Variants in RALGPS1 observed in about 807,000 individuals in gnomAD.
RALGPS1 encodes the protein ras-specific guanine nucleotide-releasing factor RalGPS1.
RALGPS1 carries 19 observed loss-of-function variants against 78.8 expected under a neutral mutation model. The observed-to-expected ratio is 0.24, with a 90% CI of 0.17 to 0.35. The LOEUF (loss-of-function observed/expected upper bound fraction) is 0.35. RALGPS1 is among the 10% of genes least tolerant of loss of function. The pLI, the probability that RALGPS1 is intolerant of heterozygous loss-of-function variation, is 1.00. For missense variants in RALGPS1, 454 were observed against 688.3 expected (o/e 0.66, Z 3.81); for synonymous variants, 228 against 256.3 (o/e 0.89, Z 1.06).
chr9:127,117,791 T>C (rs1173460918), intron 8 of RALGPS1, among the ~76,000 whole-genome samples: 1 of 152,242 alleles, frequency 6.6e-6, no homozygotes, highest in Non-Finnish European at 1.5e-5. Context: ...ACACAGCCTT[T>C]CCCTCATGGA....
chr9:127,106,550 G>C (rs1589507983), intron 8 of RALGPS1, among the ~76,000 whole-genome samples: 1 of 152,188 alleles, frequency 6.6e-6, no homozygotes, highest in African/African-American at 2.4e-5. Context: ...CCGAGCCTCA[G>C]GGGGACAAAG....
chr9:126,936,375 AT>A (rs1306553428), intron 1 of RALGPS1, among the ~76,000 whole-genome samples: 2 of 152,236 alleles, frequency 1.3e-5, no homozygotes, highest in Non-Finnish European at 2.9e-5. Context: ...AGATTAAAGT[AT>A]ATGAGAGACT....
Position 127,182,575 on chromosome 9 carries a change from G to A in RALGPS1, c.910+7793G>A, listed in dbSNP as rs577895645. 1.6e-4 allele frequency among the ~76,000 whole-genome samples: 25 copies of A among 151,636 alleles called. No individual in the cohort carries two copies. The East Asian group carries it at 3.5e-3, about 21-fold the overall frequency. On this transcript the variant is annotated intron_variant, in intron 11 of 18. Transcript: ENST00000259351. ...CTCCCGAGTAGCTGGGATTACAGTC[G>A]CCCGCCACCATGCCCAGCAAATTTT...
At chr9:127,188,317 A>G (rs1442231834) in intron 11 of RALGPS1, among the ~76,000 whole-genome samples, 1 of 152,088 alleles carries the variant, frequency 6.6e-6, no homozygotes, top group Non-Finnish European at 1.5e-5. Context: ...CCGAGCCTCA[A>G]AGAAGCTGAT....
At position 127,214,895 on chromosome 9, in the gene RALGPS1, GA is replaced by G; in HGVS notation, c.1644+55del. ...CCTGAAATATCCTCTCCCACCCTTGGAACTAAGGGTCTTTAGAAAACAGGGT... is the reference window on the plus strand; with the variant it reads ...CCTGAAATATCCTCTCCCACCCTTGGACTAAGGGTCTTTAGAAAACAGGGT... On this transcript the variant is annotated intron_variant, in intron 18 of 18. Transcript: ENST00000259351. 1.9e-6 allele frequency: 3 copies of G among 1,605,670 alleles called. No homozygotes were observed. The South Asian group carries it at 3.4e-5, about 18-fold the overall frequency.
chr9:127,134,964 C>T (rs2057294430), intron 8 of RALGPS1, among the ~76,000 whole-genome samples: 1 of 152,116 alleles, frequency 6.6e-6, no homozygotes, highest in Non-Finnish European at 1.5e-5. Flanking sequence ...AGAGAGGGTC[C>T]TAGACTTGCA....
At chr9:127,058,655 G>A (rs1337407134) in intron 7 of RALGPS1, among the ~76,000 whole-genome samples, 1 of 152,176 alleles carries the variant, frequency 6.6e-6, no homozygotes, top group Admixed American at 6.5e-5. Context: ...TGATTAGAGT[G>A]ATCTCAAGAG....
intron 4 of RALGPS1, among the ~76,000 whole-genome samples, chr9:126,987,818 C>T (rs547249315): frequency 1.3e-5 from 2 of 152,254 alleles, no homozygotes; most frequent in East Asian, 3.9e-4. Flanking sequence ...GGGACCTCGG[C>T]ACAATTCAAC....
Position 127,196,248 on chromosome 9 carries a change from A to C in RALGPS1, c.1038-226A>C, listed in dbSNP as rs144435762. On this transcript the variant is annotated intron_variant, in intron 12 of 18. Coordinates refer to ENST00000259351, the MANE Select transcript of RALGPS1 (RefSeq NM_014636.3). ...AGCCACCAGGGGGATGGGCAGGGCA[A>C]GTATCGTTATCCCCATTGGATGGAT... is the stretch of plus-strand genomic sequence containing the variant. Among the ~76,000 whole-genome samples, 103 of 152,344 alleles carry C rather than the reference A, an allele frequency of 6.8e-4. 1 individual carries two copies. Among genetic ancestry groups the C allele is most frequent in the African/African-American group, 2.4e-3 (100 of 41,590 alleles).
chr9:127,147,524 ATAT>A (rs1483317450), intron 8 of RALGPS1, among the ~76,000 whole-genome samples: 1 of 152,196 alleles, frequency 6.6e-6, no homozygotes, highest in Non-Finnish European at 1.5e-5. Context: ...TTACATTTAA[ATAT>A]TTGATACATT....
chr9:127,138,100 G>A (rs1283588366), intron 8 of RALGPS1, among the ~76,000 whole-genome samples: 1 of 152,212 alleles, frequency 6.6e-6, no homozygotes, highest in Non-Finnish European at 1.5e-5. Flanking sequence ...CGGCTCTGCA[G>A]GGATGCTGTA....
At chr9:127,129,697 T>G (rs1016312292) in intron 8 of RALGPS1, among the ~76,000 whole-genome samples, 1 of 152,274 alleles carries the variant, frequency 6.6e-6, no homozygotes, top group East Asian at 1.9e-4. Context: ...GTAGGTCTGA[T>G]GTTGGGGGTT....
chr9:127,185,688 C>T (rs954065845), intron 11 of RALGPS1, among the ~76,000 whole-genome samples: 5 of 151,864 alleles, frequency 3.3e-5, no homozygotes, highest in African/African-American at 9.7e-5. Context: ...TTGCCTTTAC[C>T]GTATTTATTA....
chr9:127,077,069 G>T (rs1205711325), intron 8 of RALGPS1, among the ~76,000 whole-genome samples: 1 of 152,212 alleles, frequency 6.6e-6, no homozygotes, highest in South Asian at 2.1e-4. Context: ...AGACATGGGA[G>T]TCAGGAGGGA....
chr9:127,108,568 G>C, intron 8 of RALGPS1: 1 of 1,613,464 alleles, frequency 6.2e-7, no homozygotes, highest in Non-Finnish European at 8.5e-7. Context: ...GAAGGTGTAG[G>C]TGCACTTGTC....
intron 4 of RALGPS1, among the ~76,000 whole-genome samples, chr9:127,031,356 G>T (rs946847720): frequency 6.6e-6 from 1 of 152,206 alleles, no homozygotes; most frequent in African/African-American, 2.4e-5. Flanking sequence ...GCGCCAAAGC[G>T]GTCAGGCCCA....
At chr9:127,111,696 T>C (rs1189832247) in intron 8 of RALGPS1, among the ~76,000 whole-genome samples, 1 of 152,234 alleles carries the variant, frequency 6.6e-6, no homozygotes, top group Admixed American at 6.5e-5. Flanking sequence ...TCCCGTGTTC[T>C]CATAATCTCC....
intron 7 of RALGPS1, among the ~76,000 whole-genome samples, chr9:127,064,527 C>T (rs746988852): frequency 1.3e-5 from 2 of 152,224 alleles, no homozygotes; most frequent in Non-Finnish European, 2.9e-5. Context: ...CATCTCTCCA[C>T]ACCCCAATTA....
intron 1 of RALGPS1, among the ~76,000 whole-genome samples, chr9:126,938,630 T>G (rs1462939450): frequency 6.6e-6 from 1 of 152,206 alleles, no homozygotes; most frequent in Non-Finnish European, 1.5e-5. Context: ...CCCTACTGGG[T>G]TTGGCTATAG....
Sources: gnomAD v4.1 joint callset for allele counts (sites outside exome capture counted in the v4.1 genomes callset) on GRCh38, gnomAD v4.1.1 for gene constraint, MANE v1.5 for transcripts, NCBI Gene and HGNC (gene_info 2026-07-23, HGNC 2026-07-21) for gene names.